GRIK1: variants seen among roughly 807,000 people sequenced by gnomAD.
GRIK1 encodes the protein glutamate receptor ionotropic, kainate 1.
In GRIK1, 69 loss-of-function variants were observed where a neutral mutation model predicts 105.7. That is an observed-to-expected ratio of 0.65 (90% CI 0.54 to 0.80). The LOEUF (loss-of-function observed/expected upper bound fraction) is 0.80. Ranked by LOEUF, GRIK1 falls within the 30% of genes least tolerant of loss-of-function variation. The pLI is 0.00. For missense variants in GRIK1, 1,109 were observed against 1,167.3 expected (o/e 0.95, Z 0.73); for synonymous variants, 438 against 431.3 (o/e 1.02, Z -0.19).
intron 1 of GRIK1, among the ~76,000 whole-genome samples, chr21:29,804,197 C>T (rs2066791693): frequency 6.6e-6 from 1 of 152,110 alleles, no homozygotes; most frequent in African/African-American, 2.4e-5. Flanking sequence ...TAACCTACAT[C>T]TCGCTCATAC....
intron 1 of GRIK1, among the ~76,000 whole-genome samples, chr21:29,754,825 G>A (rs2065294429): frequency 6.6e-6 from 1 of 152,122 alleles, no homozygotes; most frequent in Non-Finnish European, 1.5e-5. Context: ...TTCTCCCTGT[G>A]GACTGCAGCA....
At chr21:29,548,486 C>G (rs937771599) in intron 16 of GRIK1, among the ~76,000 whole-genome samples, 2 of 152,100 alleles carry the variant, frequency 1.3e-5, no homozygotes, top group Middle Eastern at 3.2e-3. Context: ...CAGCATCAAG[C>G]AGAATTTTTT....
At chr21:29,539,838 T>C (rs766551296) in intron 16 of GRIK1, among the ~76,000 whole-genome samples, 7 of 152,212 alleles carry the variant, frequency 4.6e-5, no homozygotes, top group Non-Finnish European at 4.4e-5. Flanking sequence ...TTAAGTAACT[T>C]ACCCAAGAAA....
At chr21:29,665,703 A>G (rs895614169) in intron 4 of GRIK1, among the ~76,000 whole-genome samples, 6 of 152,376 alleles carry the variant, frequency 3.9e-5, no homozygotes, top group East Asian at 3.8e-4. Flanking sequence ...AGCTTTGATA[A>G]TTTTGTTTAC....
At chr21:29,862,381 A>G (rs1368428385) in intron 1 of GRIK1, among the ~76,000 whole-genome samples, 2 of 152,218 alleles carry the variant, frequency 1.3e-5, no homozygotes, top group African/African-American at 2.4e-5. Flanking sequence ...ATAATCAAAT[A>G]TGTTATTTTT....
intron 1 of GRIK1, among the ~76,000 whole-genome samples, chr21:29,730,315 T>A (rs1369808071): frequency 6.6e-6 from 1 of 152,076 alleles, no homozygotes; most frequent in Admixed American, 6.6e-5. Context: ...TTCTGAGAGG[T>A]AGGTATTTTA....
intron 12 of GRIK1, among the ~76,000 whole-genome samples, chr21:29,584,283 G>T (rs2146267138): frequency 6.6e-6 from 1 of 152,042 alleles, no homozygotes; most frequent in African/African-American, 2.4e-5. Context: ...TGTAACCATA[G>T]AATTTACTTT....
At chr21:29,869,083 C>T (rs765272499) in intron 1 of GRIK1, among the ~76,000 whole-genome samples, 4 of 152,182 alleles carry the variant, frequency 2.6e-5, no homozygotes, top group East Asian at 1.9e-4. Context: ...AAAACATTGA[C>T]GTTCACTTGG....
chr21:29,561,879 A>C (rs778484216), intron 14 of GRIK1, 30 bp from the exon 15 acceptor site: 4 of 1,325,636 alleles, frequency 3.0e-6, no homozygotes, highest in Non-Finnish European at 4.3e-6. Context: ...ACTCACCAGC[A>C]GAAGAGGGCT....
chr21:29,855,796 A>C (rs1360225578), intron 1 of GRIK1, among the ~76,000 whole-genome samples: 1 of 152,208 alleles, frequency 6.6e-6, no homozygotes, highest in Non-Finnish European at 1.5e-5. Context: ...GAAGGTGAAA[A>C]AATTAACTGA....
rs1002982297 is a variant in GRIK1, at chr21:29,779,489, T to C, written c.119-85426A>G. 3.8e-5 allele frequency among the ~76,000 whole-genome samples: 4 copies of C among 103,974 alleles called. No homozygotes were observed. The Admixed American group carries it at 4.1e-4, about 11-fold the overall frequency. The allele number at this position is 103,974 out of a possible 152,430, so 68.2% of individuals were successfully genotyped here. A position where few individuals can be genotyped will look rare whatever the true frequency, so the allele number is the denominator to read the frequency against. On this transcript the variant is annotated intron_variant, in intron 1 of 17. Transcript: ENST00000327783. ...TAGAACAATAGCTTTGTTTTGCCCT[T>C]TTATGGTGTGTGTGTGTGTGTGTGT...
At chr21:29,642,787 C>G (rs1353573763) in intron 7 of GRIK1, 39 bp downstream of exon 7, 1 of 1,604,730 alleles carries the variant, frequency 6.2e-7, no homozygotes, top group Admixed American at 1.7e-5. Context: ...CCCAACAGTG[C>G]TCAGAAGGGC....
intron 7 of GRIK1, among the ~76,000 whole-genome samples, chr21:29,631,165 A>G (rs1287565991): frequency 1.3e-5 from 2 of 152,154 alleles, no homozygotes; most frequent in Non-Finnish European, 2.9e-5. Flanking sequence ...AAAGCTAAAA[A>G]TGCATACAAG....
intron 1 of GRIK1, among the ~76,000 whole-genome samples, chr21:29,710,749 G>A (rs1043740506): frequency 5.4e-5 from 8 of 147,686 alleles, no homozygotes; most frequent in African/African-American, 2.0e-4. Context: ...TTCAACTTTT[G>A]CCTTTCCCTC....
At chr21:29,610,635 C>T (rs1349006986) in intron 7 of GRIK1, among the ~76,000 whole-genome samples, 2 of 152,158 alleles carry the variant, frequency 1.3e-5, no homozygotes, top group African/African-American at 4.8e-5. Context: ...ATCGGCCTTA[C>T]CAACATCTTG....
chr21:29,774,475 G>C (rs35828880), intron 1 of GRIK1, among the ~76,000 whole-genome samples: 5 of 136,250 alleles, frequency 3.7e-5, no homozygotes. Context: ...TTTCTGAGAC[G>C]GAGTCTCACT....
At chr21:29,913,926 T>C (rs2070907039) in intron 1 of GRIK1, among the ~76,000 whole-genome samples, 2 of 152,022 alleles carry the variant, frequency 1.3e-5, no homozygotes, top group African/African-American at 4.8e-5. Flanking sequence ...CTACTGATTA[T>C]ACCACTAACA....
chr21:29,690,031 AGGGGG>A, intron 2 of GRIK1, 46 bp from the exon 3 acceptor site: 2 of 1,451,216 alleles, frequency 1.4e-6, no homozygotes, highest in African/African-American at 1.4e-5. Flanking sequence ...GGGCAGGGAA[AGGGGG>A]AGAGAAAAAG....
At chr21:29,831,843 G>T (rs978103151) in intron 1 of GRIK1, among the ~76,000 whole-genome samples, 1 of 151,982 alleles carries the variant, frequency 6.6e-6, no homozygotes, top group Non-Finnish European at 1.5e-5. Context: ...CATCCCAACA[G>T]TTCCCCAAAG....
Sources: allele counts gnomAD v4.1 joint callset (sites outside exome capture counted in the v4.1 genomes callset), GRCh38; gene constraint gnomAD v4.1.1; transcripts MANE v1.5; gene names NCBI Gene and HGNC (gene_info 2026-07-23, HGNC 2026-07-21).